CACNA2D3: variants seen among roughly 807,000 people sequenced by gnomAD.
The protein encoded by CACNA2D3 is calcium voltage-gated channel auxiliary subunit alpha2delta 3.
CACNA2D3 carries 60 observed loss-of-function variants against 160.6 expected under a neutral mutation model. The ratio of observed to expected loss-of-function variants is 0.37; its 90% CI spans 0.30 to 0.46. The LOEUF is 0.46. Ranked by LOEUF, CACNA2D3 falls within the 20% of genes least tolerant of loss-of-function variation. The pLI is 1.00. For missense variants in CACNA2D3, 1,205 were observed against 1,365.0 expected (o/e 0.88, Z 1.85); for synonymous variants, 558 against 492.9 (o/e 1.13, Z -1.75).
chr3:54,930,734 C>T (rs1457699992), intron 27 of CACNA2D3, among the ~76,000 whole-genome samples: 1 of 152,218 alleles, frequency 6.6e-6, no homozygotes, highest in Non-Finnish European at 1.5e-5. Context: ...ATACCTACCT[C>T]GCCGGAGGCA....
At chr3:54,714,860 A>G (rs990331345) in intron 11 of CACNA2D3, among the ~76,000 whole-genome samples, 4 of 152,250 alleles carry the variant, frequency 2.6e-5, no homozygotes, top group African/African-American at 9.6e-5. Context: ...GGATACAGAA[A>G]TTGAGTTTTA....
At chr3:54,265,655 T>C (rs1258104056) in intron 2 of CACNA2D3, among the ~76,000 whole-genome samples, 1 of 70,090 alleles carries the variant, frequency 1.4e-5, no homozygotes, top group Admixed American at 1.4e-4. Flanking sequence ...TGTATATATA[T>C]AGTGTATATA....
At chr3:54,923,137 A>G (rs1386296308) in intron 27 of CACNA2D3, among the ~76,000 whole-genome samples, 2 of 152,088 alleles carry the variant, frequency 1.3e-5, no homozygotes, top group African/African-American at 2.4e-5. Flanking sequence ...TTACATTGTA[A>G]TCAGATCCTA....
At chr3:54,296,343 G>T (rs772977574) in intron 2 of CACNA2D3, among the ~76,000 whole-genome samples, 1 of 152,072 alleles carries the variant, frequency 6.6e-6, no homozygotes, top group Non-Finnish European at 1.5e-5. Context: ...TGATGTGTTG[G>T]TTATGTAGGA....
At chr3:54,986,355 TG>T (rs1702613166) in intron 30 of CACNA2D3, among the ~76,000 whole-genome samples, 1 of 152,192 alleles carries the variant, frequency 6.6e-6, no homozygotes. Flanking sequence ...TGATGTTGTC[TG>T]ACTTCCTGTG....
intron 3 of CACNA2D3, among the ~76,000 whole-genome samples, chr3:54,338,467 C>CTGTTTGTGTGTGTGTGTG (rs1704441401): frequency 7.3e-6 from 1 of 136,440 alleles, no homozygotes; most frequent in African/African-American, 2.8e-5. Flanking sequence ...TCTCCCCTCC[C>CTGTTTGTGTGTGTGTGTG]TGTGTGTGTG....
rs1211459431 is a variant in CACNA2D3 at position 55,049,278 on chromosome 3, G to A, written c.2988-24167G>A. On this transcript the variant is annotated intron_variant, in intron 35 of 37. Coordinates refer to ENST00000474759, the MANE Select transcript of CACNA2D3 (RefSeq NM_018398.3). ...TCCCTCTACACACTGCTTTGAATGC[G>A]TCCCAGAGATTCTGGTATGTCGTGT... is the stretch of plus-strand genomic sequence containing the variant. 1.2e-4 allele frequency among the ~76,000 whole-genome samples: 17 copies of A among 147,614 alleles called. No individual in the cohort carries two copies. In the South Asian group the frequency reaches 1.3e-3, roughly 12 times the overall value.
intron 10 of CACNA2D3, chr3:54,632,718 A>C (rs1699270188): frequency 6.6e-6 from 1 of 151,986 alleles, no homozygotes; most frequent in Admixed American, 6.5e-5. Context: ...ATAGCAAGGG[A>C]AAGATTTTGA....
rs540118962 is a variant in CACNA2D3 at position 54,736,308 on chromosome 3, T to C, written c.1168-16291T>C. Among the ~76,000 whole-genome samples, 10 of 151,790 alleles carry C rather than the reference T, an allele frequency of 6.6e-5. 1 individual carries two copies. Among genetic ancestry groups the C allele is most frequent in the African/African-American group, 2.4e-4 (10 of 41,390 alleles). On this transcript the variant is annotated intron_variant, in intron 11 of 37. Coordinates refer to ENST00000474759, the MANE Select transcript of CACNA2D3 (RefSeq NM_018398.3). ...TGAAAGTTCATGATTAAATGTACTA[T>C]AATTTAATCCCCTTCTGTGATACGT...
At chr3:54,925,456 C>G (rs759416143) in intron 27 of CACNA2D3, among the ~76,000 whole-genome samples, 13 of 152,132 alleles carry the variant, frequency 8.5e-5, no homozygotes, top group Non-Finnish European at 1.6e-4. Context: ...GAGAAAGATA[C>G]TCTCAGTGTC....
chr3:54,149,300 T>G, intron 2 of CACNA2D3, among the ~76,000 whole-genome samples: 1 of 88,692 alleles, frequency 1.1e-5, no homozygotes, highest in Admixed American at 1.1e-4. Context: ...CACACACACA[T>G]ATGTGTGGAG....
chr3:54,963,312 C>T (rs1339663745), intron 27 of CACNA2D3, among the ~76,000 whole-genome samples: 1 of 152,070 alleles, frequency 6.6e-6, no homozygotes, highest in Non-Finnish European at 1.5e-5. Context: ...ATTGTACCTT[C>T]CATCCTTAAG....
At chr3:54,927,737 A>T (rs917489503) in intron 27 of CACNA2D3, among the ~76,000 whole-genome samples, 2 of 152,152 alleles carry the variant, frequency 1.3e-5, no homozygotes, top group Non-Finnish European at 2.9e-5. Flanking sequence ...CTTCCTCTGC[A>T]CCCAACATGC....
intron 3 of CACNA2D3, among the ~76,000 whole-genome samples, chr3:54,381,812 A>G (rs1282790585): frequency 1.3e-5 from 2 of 152,340 alleles, no homozygotes; most frequent in East Asian, 1.9e-4. Context: ...AGCATTGTCT[A>G]TTTATACAAA....
chr3:54,935,618 G>A (rs1052283441), intron 27 of CACNA2D3, among the ~76,000 whole-genome samples: 4 of 152,142 alleles, frequency 2.6e-5, no homozygotes, highest in Admixed American at 6.5e-5. Flanking sequence ...TTGATTGTTT[G>A]CTCATGTTAA....
intron 3 of CACNA2D3, chr3:54,386,021 T>A: frequency 2.0e-6 from 1 of 489,878 alleles, no homozygotes; most frequent in South Asian, 1.5e-5. Flanking sequence ...TTTTGATTGT[T>A]GACTAATTAT....
At chr3:54,600,244 C>A (rs1181439513) in intron 9 of CACNA2D3, among the ~76,000 whole-genome samples, 3 of 152,208 alleles carry the variant, frequency 2.0e-5, no homozygotes, top group Non-Finnish European at 4.4e-5. Flanking sequence ...CCTAAACCCT[C>A]TGAGTTTCCC....
intron 17 of CACNA2D3, among the ~76,000 whole-genome samples, chr3:54,852,825 T>A (rs1699087177): frequency 6.6e-6 from 1 of 152,194 alleles, no homozygotes; most frequent in Admixed American, 6.5e-5. Context: ...ACAGTGCACA[T>A]CAAACATCAG....
chr3:54,685,984 G>A (rs1700442316), intron 11 of CACNA2D3, among the ~76,000 whole-genome samples: 1 of 152,228 alleles, frequency 6.6e-6, no homozygotes, highest in African/African-American at 2.4e-5. Context: ...AAGGGGATCA[G>A]TAGGTGTTTG....
Sources: allele counts gnomAD v4.1 joint callset (sites outside exome capture counted in the v4.1 genomes callset), GRCh38; gene constraint gnomAD v4.1.1; transcripts MANE v1.5; gene names NCBI Gene and HGNC (gene_info 2026-07-23, HGNC 2026-07-21).